Variants in XIRP2 observed in about 807,000 individuals in gnomAD.
XIRP2 encodes the protein xin actin-binding repeat-containing protein 2.
Under a neutral mutation model 277.0 loss-of-function variants are expected in XIRP2, and 236 were observed. That is an observed-to-expected ratio of 0.85 (90% CI 0.77 to 0.95). XIRP2 has a LOEUF of 0.95. XIRP2 is among the 40% of genes least tolerant of loss of function. The pLI is 0.00. For missense variants in XIRP2, 4,640 were observed against 4,157.5 expected (o/e 1.12, Z -3.19); for synonymous variants, 1,490 against 1,416.5 (o/e 1.05, Z -1.17).
chr2:167,010,275 G>A (rs1687632242), intron 2 of XIRP2, among the ~76,000 whole-genome samples: 1 of 151,940 alleles, frequency 6.6e-6, no homozygotes, highest in East Asian at 1.9e-4. Context: ...TCCAGTTTCA[G>A]CTTTCTACAT....
intron 2 of XIRP2, among the ~76,000 whole-genome samples, chr2:167,104,600 AT>A (rs1690567024): frequency 6.6e-6 from 1 of 152,100 alleles, no homozygotes; most frequent in African/African-American, 2.4e-5. Flanking sequence ...TTATTACAAG[AT>A]TATAACTTCT....
intron 2 of XIRP2, among the ~76,000 whole-genome samples, chr2:167,057,564 T>G (rs914177133): frequency 2.6e-5 from 4 of 152,216 alleles, no homozygotes; most frequent in African/African-American, 9.6e-5. Flanking sequence ...GGGTCCATTT[T>G]TGACTTATTG....
At chr2:166,899,528 CT>C (rs1356463246) in intron 1 of XIRP2, among the ~76,000 whole-genome samples, 2 of 152,022 alleles carry the variant, frequency 1.3e-5, no homozygotes, top group Non-Finnish European at 2.9e-5. Flanking sequence ...AGAATACCCC[CT>C]AGCCAATTTT....
intron 2 of XIRP2, among the ~76,000 whole-genome samples, chr2:167,023,955 A>C (rs1485492401): frequency 6.6e-6 from 1 of 152,096 alleles, no homozygotes; most frequent in Non-Finnish European, 1.5e-5. Flanking sequence ...TTTTGGTTCC[A>C]TATGAACTTT....
chr2:167,090,013 A>G (rs897522236), intron 2 of XIRP2, among the ~76,000 whole-genome samples: 2 of 152,164 alleles, frequency 1.3e-5, no homozygotes, highest in East Asian at 3.8e-4. Context: ...CTAAGAGATT[A>G]AAAGTTTAAC....
chr2:167,045,129 T>C (rs78801756), intron 2 of XIRP2, among the ~76,000 whole-genome samples: 3,434 of 151,982 alleles, frequency 0.023, 101 homozygotes, highest in East Asian at 0.073. Context: ...GTGGACAAAG[T>C]TGACAAAAGT....
intron 1 of XIRP2, among the ~76,000 whole-genome samples, chr2:166,897,598 T>G (rs1223380510): frequency 2.0e-5 from 3 of 152,128 alleles, no homozygotes; most frequent in African/African-American, 4.8e-5. Context: ...GAATAGGTAT[T>G]AGCTACAAAG....
intron 2 of XIRP2, among the ~76,000 whole-genome samples, chr2:166,917,022 G>A (rs978871622): frequency 2.6e-5 from 4 of 152,036 alleles, no homozygotes; most frequent in African/African-American, 9.7e-5. Flanking sequence ...TCGTTCCTCT[G>A]TTATCTCTGT....
At position 167,250,206 on chromosome 2, in the gene XIRP2, A is replaced by G; in HGVS notation, c.8814A>G (p.Gly2938=). ...TGAAAGAATCCCAGCGGGATGATGG[A>G]AAAGGTGCCTTAAATATAGTGGAAT... is the stretch of plus-strand genomic sequence containing the variant. ...SSVKESQRDD[G]KGALNIVEFL... is the part of the protein sequence containing the mutation. Residue 2938 remains glycine, a synonymous_variant, in exon 9 of 11, where the codon GGA becomes GGG. Coordinates refer to ENST00000409195, the MANE Select transcript of XIRP2 (RefSeq NM_152381.6). The G allele has an allele frequency of 6.2e-7, 1 of 1,613,514 alleles. No homozygotes were observed. Among genetic ancestry groups the G allele is most frequent in the South Asian group, 1.1e-5 (1 of 91,036 alleles).
At chr2:167,202,676 G>T (rs1477990620) in intron 3 of XIRP2, among the ~76,000 whole-genome samples, 6 of 152,178 alleles carry the variant, frequency 3.9e-5, no homozygotes, top group Non-Finnish European at 7.3e-5. Context: ...AGCAATTTGT[G>T]ACTTGGACAG....
At chr2:167,149,449 A>G (rs990502527) in intron 3 of XIRP2, among the ~76,000 whole-genome samples, 2 of 152,166 alleles carry the variant, frequency 1.3e-5, no homozygotes, top group African/African-American at 2.4e-5. Context: ...GTAAACATCA[A>G]TGAAGAATTT....
chr2:167,157,592 C>T (rs982149364), intron 3 of XIRP2, among the ~76,000 whole-genome samples: 2 of 152,086 alleles, frequency 1.3e-5, no homozygotes, highest in Non-Finnish European at 2.9e-5. Flanking sequence ...CACACACACA[C>T]GAAGTTCACT....
intron 2 of XIRP2, among the ~76,000 whole-genome samples, chr2:167,082,148 A>G (rs1176856605): frequency 7.4e-6 from 1 of 135,102 alleles, no homozygotes; most frequent in African/African-American, 2.8e-5. Context: ...TCCTGTGTCC[A>G]TGTGATCTCA....
At chr2:167,003,236 A>C (rs1180258520) in intron 2 of XIRP2, among the ~76,000 whole-genome samples, 1 of 151,816 alleles carries the variant, frequency 6.6e-6, no homozygotes, top group African/African-American at 2.4e-5. Context: ...TAGAAAAAAA[A>C]AGATAAAAAA....
intron 5 of XIRP2, among the ~76,000 whole-genome samples, chr2:167,219,299 A>G (rs2105401742): frequency 6.6e-6 from 1 of 152,390 alleles, no homozygotes; most frequent in South Asian, 2.1e-4. Context: ...AATATAAATA[A>G]GAAATTAAGA....
chr2:167,145,093 T>A (rs962517640), intron 3 of XIRP2, among the ~76,000 whole-genome samples: 1 of 152,132 alleles, frequency 6.6e-6, no homozygotes, highest in African/African-American at 2.4e-5. Context: ...AAAGAATGAT[T>A]TATTCTATCT....
chr2:167,184,941 T>A (rs1156718768), intron 3 of XIRP2, among the ~76,000 whole-genome samples: 1 of 152,202 alleles, frequency 6.6e-6, no homozygotes. Context: ...GATCACCTTA[T>A]GAATCTTTCT....
At chr2:166,996,271 G>C (rs1314713228) in intron 2 of XIRP2, among the ~76,000 whole-genome samples, 2 of 152,150 alleles carry the variant, frequency 1.3e-5, no homozygotes, top group African/African-American at 4.8e-5. Flanking sequence ...AACAAGCCCA[G>C]AGTACAAACT....
chr2:167,019,141 T>A (rs967842575), intron 2 of XIRP2, among the ~76,000 whole-genome samples: 6 of 151,988 alleles, frequency 3.9e-5, no homozygotes, highest in Admixed American at 3.9e-4. Context: ...CTGAAATTTC[T>A]CTGTGAATAT....
Sources: allele counts gnomAD v4.1 joint callset (sites outside exome capture counted in the v4.1 genomes callset), GRCh38; gene constraint gnomAD v4.1.1; transcripts MANE v1.5; gene names NCBI Gene and HGNC (gene_info 2026-07-23, HGNC 2026-07-21).